YTHDC1: variants seen among roughly 807,000 people sequenced by gnomAD.
YTHDC1 encodes the protein YTH N6-methyladenosine RNA binding protein C1.
YTHDC1 carries 12 observed loss-of-function variants against 107.0 expected under a neutral mutation model. The ratio of observed to expected loss-of-function variants is 0.11; its 90% CI spans 0.07 to 0.18. The LOEUF (loss-of-function observed/expected upper bound fraction) is 0.18, where lower values mean the gene tolerates loss of function less well. YTHDC1 is among the 10% of genes least tolerant of loss of function. The pLI is 1.00. For missense variants in YTHDC1, 635 were observed against 898.8 expected, an observed-to-expected ratio of 0.71 and a Z score of 3.75; for synonymous variants, 280 against 289.5, an observed-to-expected ratio of 0.97 and a Z score of 0.33.
At position 68,343,306 on chromosome 4, in the gene YTHDC1, C is replaced by A. The variant is rs529422179; in HGVS notation, c.29-4922G>T. On this transcript the variant is annotated intron_variant, in intron 1 of 16. Coordinates refer to ENST00000344157, the MANE Select transcript of YTHDC1 (RefSeq NM_001031732.4). ...CTCCACTTCCCAGGTTCAAGTGATT[C>A]TCCTGCCTCAGCCTCCCGAGTAGCT... Among the ~76,000 whole-genome samples, 327 of 151,810 alleles carry A rather than the reference C, an allele frequency of 2.2e-3. 3 individuals are homozygous for A. The highest frequency in any genetic ancestry group is 1.7e-3 in the Non-Finnish European group (114 of 67,874).
chr4:68,344,427 A>G (rs1482865561), intron 1 of YTHDC1, among the ~76,000 whole-genome samples: 4 of 152,186 alleles, frequency 2.6e-5, no homozygotes, highest in Admixed American at 6.5e-5. Flanking sequence ...GAGGAAAGCT[A>G]AAGGGGACAA....
Position 68,316,421 on chromosome 4 carries a change from G to C in YTHDC1, c.1852C>G (p.Pro618Ala). The change falls in exon 16 of 17, where the codon CCA (proline) becomes GCA (alanine). Residue 618 changes from proline to alanine, a missense_variant. Physicochemically the swap from Pro to Ala is conservative, Grantham distance 27. Around this residue, in one of 5 missense-constraint regions of YTHDC1, gnomAD observed 256 missense variants for 372.9 expected, o/e 0.69. Transcript: ENST00000344157. ...TGGTGCTGATAGTAAGGATGGTGTGGAGGTTGTTCCATTCCTGGGTAAGGG... is the reference window on the plus strand; with the variant it reads ...TGGTGCTGATAGTAAGGATGGTGTGCAGGTTGTTCCATTCCTGGGTAAGGG... Reference protein sequence around the residue: ...MPPYPGMEQPPHHPYYQHHAP... With the variant: ...MPPYPGMEQPAHHPYYQHHAP... 1 of 1,613,942 alleles carries C rather than the reference G, an allele frequency of 6.2e-7. No individual in the cohort carries two copies. Among genetic ancestry groups the C allele is most frequent in the Non-Finnish European group, 8.5e-7 (1 of 1,179,938 alleles).
chr4:68,349,629 CA>C, intron 1 of YTHDC1, 96 bp downstream of exon 1: 2 of 343,458 alleles, frequency 5.8e-6, no homozygotes, highest in Non-Finnish European at 5.9e-6. Context: ...CTAACCTCCC[CA>C]ACCCCCACCC....
At position 68,318,544 on chromosome 4, in the gene YTHDC1, C is replaced by T. The variant is rs770440872; in HGVS notation, c.1799G>A (p.Gly600Glu). The change falls in exon 15 of 17, where the codon GGA becomes GAA. Residue 600 changes from glycine to glutamate, a missense_variant. Around this residue, in one of 5 missense-constraint regions of YTHDC1, gnomAD observed 256 missense variants for 372.9 expected, o/e 0.69. Transcript: ENST00000344157. ...CATTCCTTGCCAAGGTGGTGGTGGT[C>T]CCATGTTATGAAATTCCCTCACATA... ...NDYVREFHNMGPPPPWQGMPP... is the reference protein window; with the variant it reads ...NDYVREFHNMEPPPPWQGMPP... 1.2e-6 allele frequency: 2 copies of T among 1,612,616 alleles called. No individual in the cohort carries two copies. The highest frequency in any genetic ancestry group is 3.3e-5 in the Admixed American group (2 of 59,858).
chr4:68,323,503 G>A (rs988724499), intron 10 of YTHDC1, among the ~76,000 whole-genome samples: 1 of 152,146 alleles, frequency 6.6e-6, no homozygotes, highest in African/African-American at 2.4e-5. Context: ...CCAGGCAGGC[G>A]GATCGCTTGA....
intron 9 of YTHDC1, among the ~76,000 whole-genome samples, chr4:68,325,641 C>T (rs1304288724): frequency 6.6e-6 from 1 of 152,056 alleles, no homozygotes; most frequent in African/African-American, 2.4e-5. Flanking sequence ...CCTCAGCCTC[C>T]GAAAATGCTA....
chr4:68,340,404 G>A (rs141724141), intron 1 of YTHDC1, among the ~76,000 whole-genome samples: 3 of 152,016 alleles, frequency 2.0e-5, no homozygotes, highest in East Asian at 1.9e-4. Context: ...CAGGCTATAT[G>A]GGTTTTTATT....
At chr4:68,333,885 C>T (rs1025635189) in intron 4 of YTHDC1, among the ~76,000 whole-genome samples, 1 of 152,076 alleles carries the variant, frequency 6.6e-6, no homozygotes, top group Non-Finnish European at 1.5e-5. Flanking sequence ...AATATATATA[C>T]CATAATTAGT....
At chr4:68,348,148 CA>C (rs1725655648) in intron 1 of YTHDC1, among the ~76,000 whole-genome samples, 1 of 152,124 alleles carries the variant, frequency 6.6e-6, no homozygotes, top group African/African-American at 2.4e-5. Context: ...ATTTCTAAAG[CA>C]AAACTTTTAA....
intron 1 of YTHDC1, among the ~76,000 whole-genome samples, chr4:68,346,708 G>T (rs1214422369): frequency 6.6e-6 from 1 of 152,118 alleles, no homozygotes; most frequent in Admixed American, 6.5e-5. Flanking sequence ...AGTGTTCAAA[G>T]TAACTCTTAT....
At chr4:68,319,296 GA>G (rs1371725720) in intron 12 of YTHDC1, among the ~76,000 whole-genome samples, 1 of 152,132 alleles carries the variant, frequency 6.6e-6, no homozygotes, top group Non-Finnish European at 1.5e-5. Flanking sequence ...ACTTAAGGGG[GA>G]GGGGGAAAAA....
At chr4:68,333,287 A>T in intron 5 of YTHDC1, 21 bp downstream of exon 5, 1 of 1,581,046 alleles carries the variant, frequency 6.3e-7, no homozygotes, top group Non-Finnish European at 8.6e-7. Context: ...CAAGTCAGAT[A>T]TGATCACAAA....
intron 13 of YTHDC1, 43 bp downstream of exon 13, chr4:68,318,783 C>T: frequency 1.2e-6 from 2 of 1,614,026 alleles, no homozygotes. Flanking sequence ...AAACTAGTTC[C>T]AAGAATGTAA....
At position 68,333,383 on chromosome 4, in the gene YTHDC1, CCTT is replaced by C; in HGVS notation, c.895_897del (p.Lys299del). On this transcript the variant is annotated inframe_deletion, in exon 5 of 17. Coordinates refer to ENST00000344157, the MANE Select transcript of YTHDC1 (RefSeq NM_001031732.4). ...GATATGCCTCTAGCTCTCTTCCTTTCCTTCTTTTTCTCATCTAAAAAGAACAAG... is the reference window on the plus strand; with the variant it reads ...GATATGCCTCTAGCTCTCTTCCTTTCCTTTTTCTCATCTAAAAAGAACAAG... 1 of 1,607,168 alleles carries C rather than the reference CCTT, an allele frequency of 6.2e-7. No homozygotes were observed.
rs760563205 is a variant in YTHDC1 at position 68,332,183 on chromosome 4, G to A, written c.1042C>T (p.Leu348Phe). The A allele has an allele frequency of 6.3e-7, 1 of 1,597,882 alleles. No individual in the cohort carries two copies. Among genetic ancestry groups the A allele is most frequent in the Non-Finnish European group, 8.5e-7 (1 of 1,172,440 alleles). ...CTTGCATCTTGAAGCACATATTTGA[G>A]TTTACTGGTTTGATCTGAAAAAAAA... ...RAVRKDQTSKLKYVLQDARFF... is the reference protein window; with the variant it reads ...RAVRKDQTSKFKYVLQDARFF... The change falls in exon 7 of 17, where the codon CTC becomes TTC. Residue 348 changes from leucine to phenylalanine, a missense_variant. By Grantham distance (22) the Leu-to-Phe change is conservative. This residue lies in a region of YTHDC1 where 60 missense variants were observed against 172.0 expected (regional missense o/e 0.35). Transcript: ENST00000344157.
Position 68,338,338 on chromosome 4 carries a change from T to C in YTHDC1, c.75A>G (p.Glu25=). 1 of 1,607,070 alleles carries C rather than the reference T, an allele frequency of 6.2e-7. No individual in the cohort carries two copies. The highest frequency in any genetic ancestry group is 8.5e-7 in the Non-Finnish European group (1 of 1,177,662). Residue 25 remains glutamate (E), a synonymous_variant, in exon 2 of 17, where the codon GAA becomes GAG. Transcript: ENST00000344157. ...VLDDILTEVP[E]QDDELYNPES... The stretch of plus-strand genomic sequence containing the variant: ...CTGGATTATACAGTTCATCATCTTG[T>C]TCTGGTACTTCAGTTAAAATATCAT...
intron 9 of YTHDC1, among the ~76,000 whole-genome samples, chr4:68,326,964 T>C (rs973820691): frequency 1.3e-5 from 2 of 151,036 alleles, no homozygotes; most frequent in Admixed American, 6.6e-5. Context: ...CCGGGCGCAG[T>C]GGCTCATGCC....
At chr4:68,329,907 G>C in intron 9 of YTHDC1, 95 bp downstream of exon 9, 1 of 887,202 alleles carries the variant, frequency 1.1e-6, no homozygotes, top group Non-Finnish European at 1.8e-6. Flanking sequence ...AACAAGGTAA[G>C]ATAAGTATAC....
chr4:68,321,200 T>C (rs1722411813), intron 11 of YTHDC1, among the ~76,000 whole-genome samples: 1 of 152,174 alleles, frequency 6.6e-6, no homozygotes, highest in Non-Finnish European at 1.5e-5. Context: ...CATTCACTAG[T>C]TTTCAGCTAT....
Sources: allele counts gnomAD v4.1 joint callset (sites outside exome capture counted in the v4.1 genomes callset), GRCh38; gene constraint gnomAD v4.1.1; regional missense constraint gnomAD v4.1.1; transcripts MANE v1.5; gene names NCBI Gene and HGNC (gene_info 2026-07-23, HGNC 2026-07-21).